Variants in WDR70 observed in about 807,000 individuals in gnomAD.
WDR70 encodes the protein WD repeat domain 70, also known as WD repeat-containing protein 70.
Under a neutral mutation model 88.6 loss-of-function variants are expected in WDR70, and 53 were observed. That is an observed-to-expected ratio of 0.60 (90% CI 0.48 to 0.75). WDR70 has a LOEUF of 0.75. WDR70 is among the 30% of genes least tolerant of loss of function. The probability of loss-of-function intolerance (pLI) is 0.00; values close to 1 mark genes in which losing one functional copy is unlikely to be tolerated. For missense variants in WDR70, 610 were observed against 823.2 expected (o/e 0.74, Z 3.17); for synonymous variants, 280 against 270.0 (o/e 1.04, Z -0.36).
intron 13 of WDR70, among the ~76,000 whole-genome samples, chr5:37,706,749 TCA>T (rs1261857570): frequency 1.6e-5 from 2 of 123,230 alleles, no homozygotes; most frequent in Non-Finnish European, 3.7e-5. Flanking sequence ...GCACACAGAC[TCA>T]CACTCACACT....
At chr5:37,404,054 T>C (rs1294791156) in intron 5 of WDR70, among the ~76,000 whole-genome samples, 1 of 152,234 alleles carries the variant, frequency 6.6e-6, no homozygotes, top group Non-Finnish European at 1.5e-5. Flanking sequence ...CTAGTGTTTC[T>C]TAATCTGAAT....
chr5:37,673,917 T>A (rs1746111756), intron 10 of WDR70, among the ~76,000 whole-genome samples: 1 of 152,114 alleles, frequency 6.6e-6, no homozygotes, highest in Admixed American at 6.5e-5. Context: ...GGCCTCCACC[T>A]CCATCCATGT....
intron 9 of WDR70, among the ~76,000 whole-genome samples, chr5:37,526,755 T>A (rs1164017381): frequency 6.6e-6 from 1 of 152,134 alleles, no homozygotes; most frequent in Non-Finnish European, 1.5e-5. Flanking sequence ...GCCCCAAATC[T>A]CCTTAAGCTG....
At chr5:37,662,438 G>A (rs1483992861) in intron 10 of WDR70, among the ~76,000 whole-genome samples, 2 of 152,094 alleles carry the variant, frequency 1.3e-5, no homozygotes, top group African/African-American at 4.8e-5. Flanking sequence ...CTGCCCAAAG[G>A]GGAAAACGAC....
intron 5 of WDR70, among the ~76,000 whole-genome samples, chr5:37,425,061 C>A (rs549433072): frequency 6.6e-6 from 1 of 152,272 alleles, no homozygotes; most frequent in East Asian, 1.9e-4. Flanking sequence ...GCCTGTGCAA[C>A]ATGGCAAAAC....
At chr5:37,649,962 C>T (rs1186444799) in intron 10 of WDR70, among the ~76,000 whole-genome samples, 2 of 136,194 alleles carry the variant, frequency 1.5e-5, no homozygotes, top group African/African-American at 5.3e-5. Context: ...TGGTCTCGAT[C>T]TCCTGACCTC....
intron 5 of WDR70, among the ~76,000 whole-genome samples, chr5:37,400,484 T>C (rs529223706): frequency 2.6e-5 from 4 of 152,280 alleles, no homozygotes; most frequent in East Asian, 1.9e-4. Flanking sequence ...ACTGATCTCA[T>C]AGAATTAGTG....
At chr5:37,623,825 G>T (rs1396341603) in intron 10 of WDR70, among the ~76,000 whole-genome samples, 1 of 151,990 alleles carries the variant, frequency 6.6e-6, no homozygotes, top group East Asian at 1.9e-4. Context: ...CTTTGTTGAA[G>T]GTCAATAAAG....
intron 10 of WDR70, among the ~76,000 whole-genome samples, chr5:37,679,332 TC>T (rs1419811397): frequency 1.3e-5 from 2 of 151,720 alleles, no homozygotes; most frequent in Non-Finnish European, 2.9e-5. Context: ...TTCCAGTTTT[TC>T]TGCTCTGTTT....
chr5:37,599,097 A>G (rs1424194162), intron 9 of WDR70, among the ~76,000 whole-genome samples: 1 of 152,250 alleles, frequency 6.6e-6, no homozygotes, highest in Admixed American at 6.5e-5. Flanking sequence ...TACATAAGCA[A>G]CTTGAGTGAT....
At chr5:37,494,473 G>A (rs1176565830) in intron 8 of WDR70, among the ~76,000 whole-genome samples, 1 of 152,222 alleles carries the variant, frequency 6.6e-6, no homozygotes, top group East Asian at 1.9e-4. Flanking sequence ...GAACGGGGGA[G>A]GTTATTTTGG....
chr5:37,621,397 C>T (rs865787849), intron 10 of WDR70, among the ~76,000 whole-genome samples: 58 of 152,220 alleles, frequency 3.8e-4, no homozygotes, highest in Middle Eastern at 3.4e-3. Flanking sequence ...GTTGCAACCA[C>T]CAATTCTCTA....
intron 10 of WDR70, among the ~76,000 whole-genome samples, chr5:37,612,641 T>C (rs1744220833): frequency 6.6e-6 from 1 of 152,186 alleles, no homozygotes. Context: ...ACTATTTAAC[T>C]CTGGCTGTGA....
intron 5 of WDR70, among the ~76,000 whole-genome samples, chr5:37,411,200 C>G (rs6868108): frequency 7.2e-5 from 11 of 152,010 alleles, no homozygotes; most frequent in Non-Finnish European, 1.6e-4. Context: ...GGCCTCAAGC[C>G]GCTTTCCTGT....
At chr5:37,443,978 A>G (rs1194488172) in intron 7 of WDR70, among the ~76,000 whole-genome samples, 1 of 151,186 alleles carries the variant, frequency 6.6e-6, no homozygotes, top group Non-Finnish European at 1.5e-5. Context: ...GTGAAACTCT[A>G]TCTCTACTAA....
At chr5:37,518,895 C>G (rs541630042) in intron 9 of WDR70, among the ~76,000 whole-genome samples, 106 of 152,122 alleles carry the variant, frequency 7.0e-4, no homozygotes, top group Admixed American at 1.4e-3. Flanking sequence ...TGACTCTTAA[C>G]GAGCATGCTG....
chr5:37,417,462 T>C (rs910209342), intron 5 of WDR70, among the ~76,000 whole-genome samples: 1 of 151,890 alleles, frequency 6.6e-6, no homozygotes, highest in African/African-American at 2.4e-5. Context: ...TGGGCTCAGG[T>C]GATCTGCCTG....
chr5:37,519,365 G>A (rs1046649815), intron 9 of WDR70, among the ~76,000 whole-genome samples: 7 of 140,968 alleles, frequency 5.0e-5, no homozygotes, highest in Admixed American at 7.2e-5. Flanking sequence ...GGGCAGAGAC[G>A]CTCCTCACTT....
chr5:37,680,823 G>C (rs1006676214), intron 10 of WDR70, among the ~76,000 whole-genome samples: 2 of 152,194 alleles, frequency 1.3e-5, no homozygotes, highest in East Asian at 3.9e-4. Context: ...AGTGTGAGTT[G>C]GGTAGTGTGA....
Sources: gnomAD v4.1 joint callset for allele counts (sites outside exome capture counted in the v4.1 genomes callset) on GRCh38, gnomAD v4.1.1 for gene constraint, MANE v1.5 for transcripts, NCBI Gene and HGNC (gene_info 2026-07-23, HGNC 2026-07-21) for gene names.